PPM1B: variants seen among roughly 807,000 people sequenced by gnomAD.
PPM1B encodes the protein protein phosphatase 1B.
Under a neutral mutation model 43.0 loss-of-function variants are expected in PPM1B, and 22 were observed. The observed-to-expected ratio is 0.51, with a 90% confidence interval of 0.37 to 0.73. PPM1B has a LOEUF of 0.73. Among genes scored for constraint, PPM1B ranks in the 30% least tolerant of loss-of-function variants. The pLI is 0.00. For missense variants in PPM1B, 632 were observed against 584.2 expected, an observed-to-expected ratio of 1.08 and a Z score of -0.84; for synonymous variants, 217 against 197.9, an observed-to-expected ratio of 1.10 and a Z score of -0.81.
downstream of PPM1B, chr2:44,232,542 T>C (rs1159379607): frequency 2.1e-6 from 3 of 1,419,856 alleles, no homozygotes; most frequent in Non-Finnish European, 2.8e-6. Context: ...GCATTGCCTG[T>C]ACTACAGTAT....
intron 1 of PPM1B, among the ~76,000 whole-genome samples, chr2:44,196,552 A>G (rs772953777): frequency 1.6e-4 from 25 of 152,242 alleles, no homozygotes; most frequent in Admixed American, 2.6e-4. Context: ...AAAAGAAAAT[A>G]ACTGCCCAAT....
intron 3 of PPM1B, among the ~76,000 whole-genome samples, chr2:44,212,084 G>A (rs77715860): frequency 0.13 from 19,672 of 152,104 alleles, 1,682 homozygotes; most frequent in South Asian, 0.24. Flanking sequence ...GCATTTTACT[G>A]CAAGGAAAAA....
Position 44,231,007 on chromosome 2 carries a change from T to C in PPM1B, c.*289T>C, listed in dbSNP as rs1670448853. The C allele has an allele frequency of 3.0e-6, 3 of 986,786 alleles. No individual in the cohort carries two copies. The highest frequency in any genetic ancestry group is 7.8e-5 in the South Asian group (2 of 25,556). The allele number at this position is 986,786 out of a possible 1,614,324, so 61.1% of individuals were successfully genotyped here. ...AGTCAGTAGTTAAATTAATACTAGA[T>C]AGAATTAGAAATTTTGATTAGAGAG... On this transcript the variant is annotated 3_prime_UTR_variant, in exon 6 of 6. Transcript: ENST00000282412.
Position 44,201,545 on chromosome 2 carries a change from T to C in PPM1B, c.346T>C (p.Tyr116His). The change falls in exon 2 of 6, where the codon TAC (tyrosine) becomes CAC (histidine). Residue 116 changes from tyrosine (Y) to histidine (H), a missense_variant. By Grantham distance (83) the Tyr-to-His change is moderately conservative. Coordinates refer to ENST00000282412, the MANE Select transcript of PPM1B (RefSeq NM_002706.6). The surrounding 1 kb of genome is among the most constrained non-coding windows in gnomAD (Gnocchi z 5.4). ...AACTGGATTTTTGAAAATTGATGAA[T>C]ACATGCGTAACTTTTCAGACCTCAG... ...IRTGFLKIDEYMRNFSDLRNG... is the reference protein window; with the variant it reads ...IRTGFLKIDEHMRNFSDLRNG... The C allele has an allele frequency of 6.2e-7, 1 of 1,614,200 alleles. No homozygotes were observed. Among genetic ancestry groups the C allele is most frequent in the Non-Finnish European group, 8.5e-7 (1 of 1,180,040 alleles).
At chr2:44,194,577 G>A (rs542096640) in intron 1 of PPM1B, among the ~76,000 whole-genome samples, 313 of 152,186 alleles carry the variant, frequency 2.1e-3, no homozygotes, top group African/African-American at 7.3e-3. Context: ...GAAAAAATTA[G>A]CCAGGCGTGG....
intron 5 of PPM1B, among the ~76,000 whole-genome samples, chr2:44,226,465 C>T (rs1350590493): frequency 2.0e-5 from 3 of 152,150 alleles, no homozygotes; most frequent in South Asian, 2.1e-4. Flanking sequence ...ATAAGTCCAC[C>T]TCCAAATTGA....
intron 1 of PPM1B, among the ~76,000 whole-genome samples, chr2:44,196,284 A>G (rs1314153502): frequency 6.6e-6 from 1 of 152,064 alleles, no homozygotes; most frequent in East Asian, 1.9e-4. Flanking sequence ...CGCCTTGAAA[A>G]TTTTGAGGAG....
At chr2:44,202,261 T>A in intron 2 of PPM1B, among the ~76,000 whole-genome samples, 1 of 152,220 alleles carries the variant, frequency 6.6e-6, no homozygotes. Context: ...TTTGAGGCAT[T>A]TGTTGTCATT....
chr2:44,198,310 A>C (rs956465926), intron 1 of PPM1B, among the ~76,000 whole-genome samples: 2 of 151,870 alleles, frequency 1.3e-5, no homozygotes, highest in Admixed American at 6.6e-5. Context: ...ACAGGCACCC[A>C]CCACCATGCC....
chr2:44,220,323 C>T (rs1468528018), intron 5 of PPM1B, among the ~76,000 whole-genome samples: 1 of 151,426 alleles, frequency 6.6e-6, no homozygotes, highest in African/African-American at 2.4e-5. Context: ...TATTTTTACT[C>T]CAAACAAGGT....
At chr2:44,182,433 G>A (rs1275914450) in intron 1 of PPM1B, among the ~76,000 whole-genome samples, 1 of 151,796 alleles carries the variant, frequency 6.6e-6, no homozygotes, top group African/African-American at 2.4e-5. Context: ...CTAATTTTTT[G>A]TATTTTTAGT....
intron 1 of PPM1B, among the ~76,000 whole-genome samples, chr2:44,196,017 A>G (rs1165338782): frequency 6.6e-6 from 1 of 152,206 alleles, no homozygotes; most frequent in Non-Finnish European, 1.5e-5. Context: ...CTCCCCAGCC[A>G]GTATTTGTAT....
chr2:44,237,228 A>G (rs979461010), downstream of PPM1B, among the ~76,000 whole-genome samples: 1 of 152,164 alleles, frequency 6.6e-6, no homozygotes, highest in Non-Finnish European at 1.5e-5. Context: ...GTTATTTTGT[A>G]AACCCTAAAG....
intron 1 of PPM1B, among the ~76,000 whole-genome samples, chr2:44,188,865 A>G (rs1370492841): frequency 1.4e-5 from 2 of 141,292 alleles, no homozygotes; most frequent in African/African-American, 5.4e-5. Context: ...TACTGGGATC[A>G]CATAGCAACA....
intron 3 of PPM1B, 68 bp downstream of exon 3, chr2:44,209,395 CTT>C: frequency 1.3e-6 from 2 of 1,519,510 alleles, no homozygotes; most frequent in Non-Finnish European, 1.8e-6. Context: ...AATCCTAGCA[CTT>C]TTGTCGCCTG....
At chr2:44,174,482 T>A (rs908170561) in intron 1 of PPM1B, among the ~76,000 whole-genome samples, 1 of 152,228 alleles carries the variant, frequency 6.6e-6, no homozygotes, top group African/African-American at 2.4e-5. Context: ...TCAGAATCAG[T>A]TGTGAATGAA....
intron 1 of PPM1B, among the ~76,000 whole-genome samples, chr2:44,193,353 G>A (rs552459207): frequency 6.6e-6 from 1 of 151,828 alleles, no homozygotes; most frequent in African/African-American, 2.4e-5. Context: ...CCATTTGTAT[G>A]CCATTTTAAT....
At chr2:44,212,937 T>C (rs1669547227) in intron 3 of PPM1B, among the ~76,000 whole-genome samples, 1 of 146,692 alleles carries the variant, frequency 6.8e-6, no homozygotes, top group Non-Finnish European at 1.5e-5. Context: ...GGTGTGAACC[T>C]GGGAGGTGGA....
intron 3 of PPM1B, among the ~76,000 whole-genome samples, chr2:44,211,104 C>G (rs1176492638): frequency 1.3e-5 from 2 of 152,084 alleles, no homozygotes; most frequent in Non-Finnish European, 2.9e-5. Flanking sequence ...CCACTGTACT[C>G]TAGCCTGGAT....
Sources: allele counts gnomAD v4.1 joint callset (sites outside exome capture counted in the v4.1 genomes callset), GRCh38; gene constraint gnomAD v4.1.1; non-coding constraint Gnocchi (gnomAD v3.1); transcripts MANE v1.5; gene names NCBI Gene and HGNC (gene_info 2026-07-23, HGNC 2026-07-21).